Variants in HIP1R observed in about 807,000 individuals in gnomAD.
HIP1R encodes the protein huntingtin-interacting protein 1-related protein.
Under a neutral mutation model 144.2 loss-of-function variants are expected in HIP1R, and 135 were observed. The observed-to-expected ratio is 0.94, with a 90% CI of 0.81 to 1.08. The LOEUF (loss-of-function observed/expected upper bound fraction) is 1.08, where lower values mean the gene tolerates loss of function less well. Among genes scored for constraint, HIP1R ranks in the 50% least tolerant of loss-of-function variants. The pLI is 0.00. For missense variants in HIP1R, 1,462 were observed against 1,432.8 expected (o/e 1.02, Z -0.33); for synonymous variants, 698 against 612.8 (o/e 1.14, Z -2.05).
intron 22 of HIP1R, 95 bp from the exon 23 acceptor site, chr12:122,859,331 C>G: frequency 6.8e-7 from 1 of 1,464,172 alleles, no homozygotes; most frequent in Non-Finnish European, 9.5e-7. Flanking sequence ...ACCATGCACC[C>G]TCCTCGATCC....
Position 122,851,263 on chromosome 12 carries a change from T to C in HIP1R, c.543T>C (p.Asp181=). ...NIFQLTVEMF[D]YMDCELKLSE... ...TCCAGCTCACTGTGGAGATGTTTGA[T>C]TACATGGATTGTGAGCTGAAGCTTT... Residue 181 remains aspartate, a synonymous_variant, in exon 7 of 32, where the codon GAT becomes GAC. Transcript: ENST00000253083. The C allele has an allele frequency of 6.4e-7, 1 of 1,552,848 alleles. No individual in the cohort carries two copies. The highest frequency in any genetic ancestry group is 2.2e-5 in the Admixed American group (1 of 45,892).
rs2032900382 is a variant in HIP1R at position 122,836,495 on chromosome 12, C to T, written c.93+852C>T. 6.6e-6 allele frequency among the ~76,000 whole-genome samples: 1 copy of T among 152,104 alleles called. No individual in the cohort carries two copies. The highest frequency in any genetic ancestry group is 6.5e-5 in the Admixed American group (1 of 15,270). Reference sequence around the variant, plus strand: ...GGGACCCACGATGCAGACGTTGCTGCGTTTCTGGTTTCCTGTTGCTTTTTA... The same window carrying T: ...GGGACCCACGATGCAGACGTTGCTGTGTTTCTGGTTTCCTGTTGCTTTTTA... On this transcript the variant is annotated intron_variant, in intron 1 of 31. Transcript: ENST00000253083. This position sits in a 1 kb window ranked among gnomAD's most constrained non-coding sequence, Gnocchi z 4.1.
chr12:122,861,044 G>A lies in HIP1R; in HGVS notation c.2890+5G>A, dbSNP rs3736415. Reference sequence around the variant, plus strand: ...AGGAGCAGATTGAGGACAGAGGTGAGTGCCAGATGCCAACGGGGGCTGCTG... The same window carrying A: ...AGGAGCAGATTGAGGACAGAGGTGAATGCCAGATGCCAACGGGGGCTGCTG... On this transcript the variant is annotated splice_donor_5th_base_variant and intron_variant, in intron 29 of 31. Coordinates refer to ENST00000253083, the MANE Select transcript of HIP1R (RefSeq NM_003959.3). 175 of 1,613,696 alleles carry A rather than the reference G, an allele frequency of 1.1e-4. No homozygotes were observed. The East Asian group carries it at 3.9e-3, about 36-fold the overall frequency.
At chr12:122,860,261 GCC>G (rs2033729318) in intron 26 of HIP1R, 51 bp downstream of exon 26, 7 of 1,533,452 alleles carry the variant, frequency 4.6e-6, no homozygotes, top group Non-Finnish European at 6.1e-6. Context: ...CTGACCCCCA[GCC>G]TAGGCCACCC....
At chr12:122,849,853 C>T (rs780387887) in intron 4 of HIP1R, 22 bp from the exon 5 acceptor site, 1 of 1,589,298 alleles carries the variant, frequency 6.3e-7, no homozygotes, top group Non-Finnish European at 8.6e-7. Context: ...CGTGGCCCCT[C>T]ACCCTGTCTG....
At chr12:122,858,729 C>T (rs921346863) in intron 20 of HIP1R, 109 bp from the exon 21 acceptor site, 5 of 832,970 alleles carry the variant, frequency 6.0e-6, no homozygotes, top group Non-Finnish European at 8.1e-6. Context: ...TTGCCGAGCC[C>T]TCCTTTCCTC....
Position 122,850,821 on chromosome 12 carries a change from G to C in HIP1R, c.439-14G>C. 6.2e-7 allele frequency: 1 copy of C among 1,605,014 alleles called. No individual in the cohort carries two copies. The highest frequency in any genetic ancestry group is 8.5e-7 in the Non-Finnish European group (1 of 1,177,132). On this transcript the variant is annotated splice_polypyrimidine_tract_variant and intron_variant, in intron 5 of 31. Transcript: ENST00000253083. Reference sequence around the variant, plus strand: ...CCTGGTTCAGTGGCCGCTGGGTGGGGGTTCTCTCCACAGCATCCCCAGTTT... The same window carrying C: ...CCTGGTTCAGTGGCCGCTGGGTGGGCGTTCTCTCCACAGCATCCCCAGTTT...
At chr12:122,850,255 C>A in intron 5 of HIP1R, 1 of 566,562 alleles carries the variant, frequency 1.8e-6, no homozygotes, top group South Asian at 1.5e-5. Context: ...CTCCTCCCAA[C>A]CCCTCCACTG....
At chr12:122,860,099 G>C in intron 25 of HIP1R, 22 bp downstream of exon 25, 2 of 1,579,546 alleles carry the variant, frequency 1.3e-6, no homozygotes, top group Non-Finnish European at 1.7e-6. Context: ...TGACCCGGGG[G>C]GGTCTGCACC....
At chr12:122,856,969 G>A (rs2033601969) in intron 17 of HIP1R, 52 bp from the exon 18 acceptor site, 2 of 1,512,260 alleles carry the variant, frequency 1.3e-6, no homozygotes, top group Non-Finnish European at 1.8e-6. Context: ...GGGCAGGGTG[G>A]GTGGGGCCTG....
Position 122,857,188 on chromosome 12 carries a change from C to G in HIP1R, c.1788C>G (p.Gly596=). 2.6e-6 allele frequency: 4 copies of G among 1,550,416 alleles called. No homozygotes were observed. Among genetic ancestry groups the G allele is most frequent in the Non-Finnish European group, 3.5e-6 (4 of 1,146,858 alleles). The change falls in exon 18 of 32, where the codon GGC becomes GGG. Residue 596 remains glycine (G), a synonymous_variant. Transcript: ENST00000253083. ...AGCAGCGCAGCTCCCAGGAGCAGGG[C>G]GAGTTGCAGGGCCGGCTGGCAGAGA... ...REQQRSSQEQ[G]ELQGRLAERE... is the part of the protein sequence containing the mutation.
In HIP1R at chr12:122,860,216, G is replaced by C; in HGVS notation, c.2559+6G>C. The C allele has an allele frequency of 6.4e-7, 1 of 1,552,588 alleles. No homozygotes were observed. Among genetic ancestry groups the C allele is most frequent in the Non-Finnish European group, 8.7e-7 (1 of 1,150,876 alleles). ...AGATCGTGGAGAGCGGCAGGGTGAG[G>C]GGCCGGCGGCAGCAGGGCACAGTCC... On this transcript the variant is annotated splice_donor_region_variant and intron_variant, in intron 26 of 31. Transcript: ENST00000253083.
At chr12:122,849,535 C>T (rs2033311774) in intron 4 of HIP1R, among the ~76,000 whole-genome samples, 1 of 152,232 alleles carries the variant, frequency 6.6e-6, no homozygotes, top group African/African-American at 2.4e-5. Context: ...GCCGCAGGGG[C>T]CGTGGGGCTG....
Position 122,860,074 on chromosome 12 carries a change from GAAGGTGAGGGGCTGTGACCC to G in HIP1R, c.2494_2496+17del. ...TCCTCAACTCCTGCACAGACCTGAT[GAAGGTGAGGGGCTGTGACCC>G]GGGGGGGTCTGCACCTGGAGGGCCA... On this transcript the variant is annotated splice_donor_variant and splice_donor_5th_base_variant and coding_sequence_variant and intron_variant, in exon 25 of 32. Transcript: ENST00000253083. LOFTEE classifies it high-confidence loss of function. The G allele has an allele frequency of 6.4e-7, 1 of 1,574,532 alleles. No individual in the cohort carries two copies. Among genetic ancestry groups the G allele is most frequent in the Non-Finnish European group, 8.6e-7 (1 of 1,160,686 alleles).
At chr12:122,841,254 GC>G (rs1354609284) in intron 1 of HIP1R, among the ~76,000 whole-genome samples, 2 of 152,204 alleles carry the variant, frequency 1.3e-5, no homozygotes, top group African/African-American at 4.8e-5. Flanking sequence ...CATTATTTGC[GC>G]TGCTTCCACA....
intron 3 of HIP1R, 28 bp from the exon 4 acceptor site, chr12:122,848,768 C>A: frequency 6.2e-7 from 1 of 1,612,516 alleles, no homozygotes; most frequent in Non-Finnish European, 8.5e-7. Flanking sequence ...CTGGACACTC[C>A]CCCACTCCCG....
In HIP1R at chr12:122,854,895, C is replaced by A. The variant is rs186971602; in HGVS notation, c.719-10C>A. ...CAGAGAAGTCCTGTTACACTTGTGC[C>A]ACCCTCCAGGTCTCCCTGCGGACAC... On this transcript the variant is annotated splice_polypyrimidine_tract_variant and intron_variant, in intron 8 of 31. Transcript: ENST00000253083. 6.2e-6 allele frequency: 10 copies of A among 1,612,092 alleles called. No homozygotes were observed. Among genetic ancestry groups the A allele is most frequent in the Non-Finnish European group, 1.7e-6 (2 of 1,179,444 alleles).
chr12:122,840,354 G>A lies in HIP1R; in HGVS notation c.93+4711G>A, dbSNP rs949589734. Reference sequence around the variant, plus strand: ...CCCCAGGAAGGTCCGAGTCATCTTTGTACCCTCTAAGAGGTGGAGAGATGC... The same window carrying A: ...CCCCAGGAAGGTCCGAGTCATCTTTATACCCTCTAAGAGGTGGAGAGATGC... On this transcript the variant is annotated intron_variant, in intron 1 of 31. Coordinates refer to ENST00000253083, the MANE Select transcript of HIP1R (RefSeq NM_003959.3). This position sits in a 1 kb window ranked among gnomAD's most constrained non-coding sequence, Gnocchi z 4.2. Among the ~76,000 whole-genome samples, 1 of 152,208 alleles carries A rather than the reference G, an allele frequency of 6.6e-6. No homozygotes were observed. The highest frequency in any genetic ancestry group is 2.4e-5 in the African/African-American group (1 of 41,458).
In HIP1R at chr12:122,860,791, T is replaced by C. The variant is rs1267681353; in HGVS notation, c.2766+7T>C. 2 of 1,611,642 alleles carry C rather than the reference T, an allele frequency of 1.2e-6. No individual in the cohort carries two copies. Among genetic ancestry groups the C allele is most frequent in the Non-Finnish European group, 1.7e-6 (2 of 1,179,140 alleles). Reference sequence around the variant, plus strand: ...GCTGGTGGCGGCCTCCAAGGTGAGCTTGCACGCCGACAGCAGCACACTGGG... The same window carrying C: ...GCTGGTGGCGGCCTCCAAGGTGAGCCTGCACGCCGACAGCAGCACACTGGG... On this transcript the variant is annotated splice_region_variant and intron_variant, in intron 28 of 31. Transcript: ENST00000253083.
Sources: allele counts gnomAD v4.1 joint callset (sites outside exome capture counted in the v4.1 genomes callset), GRCh38; gene constraint gnomAD v4.1.1; non-coding constraint Gnocchi (gnomAD v3.1); transcripts MANE v1.5; gene names NCBI Gene and HGNC (gene_info 2026-07-23, HGNC 2026-07-21).